USP49: variants seen among roughly 807,000 people sequenced by gnomAD.
USP49 encodes the protein ubiquitin carboxyl-terminal hydrolase 49.
A neutral mutation model predicts 58.6 loss-of-function variants in USP49; 24 were observed. The observed-to-expected ratio is 0.41, with a 90% CI of 0.30 to 0.58. The LOEUF (loss-of-function observed/expected upper bound fraction) is 0.58. Among genes scored for constraint, USP49 ranks in the 20% least tolerant of loss-of-function variants. The probability of loss-of-function intolerance (pLI) is 0.30; values close to 1 mark genes in which losing one functional copy is unlikely to be tolerated. For missense variants in USP49, 703 were observed against 866.1 expected, an observed-to-expected ratio of 0.81 and a Z score of 2.36; for synonymous variants, 408 against 365.1, an observed-to-expected ratio of 1.12 and a Z score of -1.34.
chr6:41,820,472 G>T (rs1265568272), intron 3 of USP49, among the ~76,000 whole-genome samples: 2 of 151,740 alleles, frequency 1.3e-5, no homozygotes, highest in African/African-American at 4.8e-5. Context: ...TGGTGCTGTG[G>T]TTCCATTTTT....
chr6:41,836,872 C>CAA (rs1773737655), intron 3 of USP49, among the ~76,000 whole-genome samples: 1 of 151,826 alleles, frequency 6.6e-6, no homozygotes, highest in African/African-American at 2.4e-5. Flanking sequence ...CACACACACA[C>CAA]ACACAAACAA....
At chr6:41,843,871 C>T (rs990603812) in intron 3 of USP49, among the ~76,000 whole-genome samples, 26 of 152,202 alleles carry the variant, frequency 1.7e-4, no homozygotes, top group African/African-American at 4.3e-4. Flanking sequence ...TAGTGAAACC[C>T]GGTCTCTACT....
intron 7 of USP49, among the ~76,000 whole-genome samples, chr6:41,797,051 G>T (rs1439055314): frequency 6.8e-6 from 1 of 148,070 alleles, no homozygotes; most frequent in Non-Finnish European, 1.5e-5. Context: ...CCAGGTTCAC[G>T]CCATTCTCCT....
intron 1 of USP49, among the ~76,000 whole-genome samples, chr6:41,892,540 T>C (rs1029826607): frequency 1.3e-5 from 2 of 152,200 alleles, no homozygotes; most frequent in African/African-American, 4.8e-5. Context: ...ACTTGCTTAA[T>C]ACAATCCAGG....
At chr6:41,827,763 G>A (rs1773566857) in intron 3 of USP49, among the ~76,000 whole-genome samples, 1 of 151,262 alleles carries the variant, frequency 6.6e-6, no homozygotes, top group Admixed American at 6.6e-5. Context: ...AATTAAATCA[G>A]CTATCATTTA....
At chr6:41,872,702 T>C (rs796599184) in intron 2 of USP49, among the ~76,000 whole-genome samples, 11 of 144,880 alleles carry the variant, frequency 7.6e-5, no homozygotes, top group African/African-American at 2.8e-4. Flanking sequence ...ATCGAGACAA[T>C]CCAGGCTAAC....
chr6:41,833,148 C>G (rs1773665828), intron 3 of USP49, among the ~76,000 whole-genome samples: 1 of 151,882 alleles, frequency 6.6e-6, no homozygotes, highest in Admixed American at 6.6e-5. Context: ...TCCCGAGTAG[C>G]TGGGACTACA....
chr6:41,823,969 T>G (rs1189227819), intron 3 of USP49, among the ~76,000 whole-genome samples: 1 of 152,150 alleles, frequency 6.6e-6, no homozygotes, highest in Non-Finnish European at 1.5e-5. Flanking sequence ...AAGCCTCAGT[T>G]TCTTACTGCC....
At position 41,806,047 on chromosome 6, in the gene USP49, T is replaced by A. The variant is rs1440663033; in HGVS notation, c.937A>T (p.Thr313Ser). 18 of 1,614,032 alleles carry A rather than the reference T, an allele frequency of 1.1e-5. No individual in the cohort carries two copies. Among genetic ancestry groups the A allele is most frequent in the Non-Finnish European group, 1.5e-5 (18 of 1,180,034 alleles). ...LSGKPTNSSA[T>S]ELSLRNDRAE... is the part of the protein sequence containing the mutation. ...CTGTCATTTCTCAAGGACAGCTCCG[T>A]GGCCGAGCTGTTGGTTGGCTTGCCA... Residue 313 changes from threonine (T) to serine (S), a missense_variant, in exon 4 of 8, where the codon ACG becomes TCG. This residue lies in a region of USP49 where 97 missense variants were observed against 88.0 expected (regional missense o/e 1.10). Transcript: ENST00000682992. The surrounding 1 kb of genome is among the most constrained non-coding windows in gnomAD (Gnocchi z 5.9).
At chr6:41,801,993 T>C (rs944525347) in intron 5 of USP49, among the ~76,000 whole-genome samples, 3 of 152,084 alleles carry the variant, frequency 2.0e-5, no homozygotes, top group Non-Finnish European at 4.4e-5. Flanking sequence ...TATTCTTTTG[T>C]TCCTTACAAG....
chr6:41,812,635 G>A (rs1353297273), intron 3 of USP49, among the ~76,000 whole-genome samples: 1 of 152,008 alleles, frequency 6.6e-6, no homozygotes, highest in East Asian at 2.0e-4. Context: ...GGAGCTTGCA[G>A]TGAGCCGAGA....
chr6:41,861,779 A>C (rs1402258006), intron 3 of USP49, among the ~76,000 whole-genome samples: 2 of 151,302 alleles, frequency 1.3e-5, no homozygotes, highest in Admixed American at 1.3e-4. Flanking sequence ...GCTCACTGCA[A>C]CCTCCACCTT....
At chr6:41,816,731 A>T (rs2127330991) in intron 3 of USP49, among the ~76,000 whole-genome samples, 1 of 139,098 alleles carries the variant, frequency 7.2e-6, no homozygotes, top group Non-Finnish European at 1.6e-5. Flanking sequence ...TTTATTTTTT[A>T]AATTGAGACA....
chr6:41,824,875 G>A (rs1323995798), intron 3 of USP49, among the ~76,000 whole-genome samples: 3 of 152,092 alleles, frequency 2.0e-5, no homozygotes, highest in African/African-American at 7.2e-5. Flanking sequence ...ATATAAAGGG[G>A]GCCTTCTTTC....
At chr6:41,858,735 T>C (rs1450385206) in intron 3 of USP49, among the ~76,000 whole-genome samples, 1 of 152,184 alleles carries the variant, frequency 6.6e-6, no homozygotes, top group Non-Finnish European at 1.5e-5. Context: ...TGCTTAGATG[T>C]TTCCTTCTCA....
At chr6:41,808,270 G>C (rs1278049292) in intron 3 of USP49, among the ~76,000 whole-genome samples, 2 of 152,026 alleles carry the variant, frequency 1.3e-5, no homozygotes, top group African/African-American at 4.8e-5. Context: ...TCTTCCAGCT[G>C]ATATATATGA....
At chr6:41,892,211 A>G (rs1774820999) in intron 1 of USP49, among the ~76,000 whole-genome samples, 1 of 152,236 alleles carries the variant, frequency 6.6e-6, no homozygotes, top group African/African-American at 2.4e-5. Flanking sequence ...CTGATCTTAC[A>G]GTTTATATTT....
intron 3 of USP49, among the ~76,000 whole-genome samples, chr6:41,848,832 A>G (rs900145376): frequency 6.6e-6 from 1 of 151,246 alleles, no homozygotes; most frequent in African/African-American, 2.4e-5. Context: ...TCCAGCCTGG[A>G]CAACACCAGT....
At chr6:41,839,394 G>C (rs1773781321) in intron 3 of USP49, among the ~76,000 whole-genome samples, 1 of 103,318 alleles carries the variant, frequency 9.7e-6, no homozygotes, top group Admixed American at 1.5e-4. Context: ...AATAGAGCCA[G>C]GCCTTGTCTC....
Sources: allele counts gnomAD v4.1 joint callset (sites outside exome capture counted in the v4.1 genomes callset), GRCh38; gene constraint gnomAD v4.1.1; regional missense constraint gnomAD v4.1.1; non-coding constraint Gnocchi (gnomAD v3.1); transcripts MANE v1.5; gene names NCBI Gene and HGNC (gene_info 2026-07-23, HGNC 2026-07-21).